INF2: variants seen among roughly 807,000 people sequenced by gnomAD.
INF2 encodes the protein inverted formin 2.
A neutral mutation model predicts 123.5 loss-of-function variants in INF2; 43 were observed. That is an observed-to-expected ratio of 0.35 (90% CI 0.27 to 0.45). The LOEUF (loss-of-function observed/expected upper bound fraction) is 0.45. INF2 is among the 20% of genes least tolerant of loss of function. INF2 has a pLI of 1.00. For missense variants in INF2, 1,453 were observed against 1,682.7 expected (o/e 0.86, Z 2.39); for synonymous variants, 851 against 745.0 (o/e 1.14, Z -2.32).
At chr14:104,695,354 A>T (rs1022042426) in intron 1 of INF2, among the ~76,000 whole-genome samples, 1 of 151,816 alleles carries the variant, frequency 6.6e-6, no homozygotes, top group African/African-American at 2.4e-5. Flanking sequence ...TCCAGCCCAG[A>T]CCCCTGAGAA....
intron 1 of INF2, among the ~76,000 whole-genome samples, chr14:104,698,751 C>T (rs966090511): frequency 6.6e-6 from 1 of 151,656 alleles, no homozygotes. Context: ...TGGGTGAGAT[C>T]GGGCAGCCTT....
chr14:104,688,061 T>G (rs930916407), upstream of INF2, among the ~76,000 whole-genome samples: 1 of 152,240 alleles, frequency 6.6e-6, no homozygotes, highest in Non-Finnish European at 1.5e-5. Context: ...CAGGAAGGCC[T>G]TCTGCTCTGG....
At chr14:104,689,590 T>TACC, upstream of INF2, 132 of 646,916 alleles carry the variant, frequency 2.0e-4, no homozygotes, top group Non-Finnish European at 2.2e-4. Flanking sequence ...CTCCTCTTCC[T>TACC]CCCGCCCGCC....
chr14:104,711,201 CG>C lies in INF2; in HGVS notation c.2418+20del. 2 of 1,545,304 alleles carry C rather than the reference CG, an allele frequency of 1.3e-6. No individual in the cohort carries two copies. Among genetic ancestry groups the C allele is most frequent in the Non-Finnish European group, 8.7e-7 (1 of 1,142,930 alleles). On this transcript the variant is annotated intron_variant, in intron 15 of 22. Coordinates refer to ENST00000392634, the MANE Select transcript of INF2 (RefSeq NM_022489.4). The stretch of plus-strand genomic sequence containing the variant: ...ACGTGCTGGAGGTGGGCCGTGGTGG[CG>C]GGGGCATAATGGGAGGGCTTCAAGT...
Position 104,711,150 on chromosome 14 carries a change from G to A in INF2, c.2382G>A (p.Gln794=). ...TGAAGCTCACGGAGACCAAGTCCCA[G>A]CAGAACCGCGTGACGCTGCTGCACC... ...TLLKLTETKS[Q]QNRVTLLHHV... Residue 794 remains glutamine, a synonymous_variant, in exon 15 of 23, where the codon CAG becomes CAA. Coordinates refer to ENST00000392634, the MANE Select transcript of INF2 (RefSeq NM_022489.4). 1 of 1,571,712 alleles carries A rather than the reference G, an allele frequency of 6.4e-7. No homozygotes were observed.
Position 104,714,292 on chromosome 14 carries a change from T to A in INF2, c.3130T>A (p.Ser1044Thr). 6.3e-7 allele frequency: 1 copy of A among 1,592,550 alleles called. No individual in the cohort carries two copies. The highest frequency in any genetic ancestry group is 8.5e-7 in the Non-Finnish European group (1 of 1,170,938). ...CCTTGATGCTACAACAGCCAGCGAG[T>A]CCCGGGGCTGGGACCTTGTAGACGC... The part of the protein sequence containing the change: ...PGLDATTASE[S>T]RGWDLVDAVT... The change falls in exon 21 of 23, where the codon TCC becomes ACC. Residue 1044 changes from serine (S) to threonine (T), a missense_variant. By Grantham distance (58) the Ser-to-Thr change is moderately conservative (BLOSUM62 1). This residue lies in a region of INF2 where 344 missense variants were observed against 333.1 expected (regional missense o/e 1.03). Coordinates refer to ENST00000392634, the MANE Select transcript of INF2 (RefSeq NM_022489.4).
chr14:104,711,432 C>T (rs1890043049), intron 15 of INF2, among the ~76,000 whole-genome samples, 197 bp from the exon 16 acceptor site: 1 of 152,206 alleles, frequency 6.6e-6, no homozygotes, highest in Non-Finnish European at 1.5e-5. Context: ...TGTCCCTGAT[C>T]TGGGGGACAG....
At chr14:104,716,792 G>C (rs1010039761) in intron 22 of INF2, among the ~76,000 whole-genome samples, 5 of 152,238 alleles carry the variant, frequency 3.3e-5, no homozygotes, top group South Asian at 4.1e-4. Context: ...CCAGGTTCAA[G>C]TGATTCTCCT....
intron 13 of INF2, 65 bp from the exon 14 acceptor site, chr14:104,710,872 C>T: frequency 2.8e-6 from 4 of 1,443,988 alleles, no homozygotes; most frequent in Middle Eastern, 1.8e-4. Context: ...GGACCACACC[C>T]CACCGCCAGG....
At chr14:104,682,785 G>A (rs531850125) in intron 1 of INF2, among the ~76,000 whole-genome samples, 38 of 152,232 alleles carry the variant, frequency 2.5e-4, no homozygotes, top group African/African-American at 7.0e-4. Context: ...GGCCACCCCA[G>A]CAGTGGCCAC....
intron 16 of INF2, 72 bp downstream of exon 16, chr14:104,711,771 G>A: frequency 7.0e-7 from 1 of 1,435,218 alleles, no homozygotes; most frequent in Non-Finnish European, 9.7e-7. Flanking sequence ...GCAGTGAGGT[G>A]GCTGCCCGCC....
Position 104,701,014 on chromosome 14 carries a change from A to G in INF2, c.-9-343A>G, listed in dbSNP as rs556491241. 15 of 343,994 alleles carry G rather than the reference A, an allele frequency of 4.4e-5. No individual in the cohort carries two copies. In the South Asian group the frequency reaches 1.4e-3, roughly 32 times the overall value. 21.3% of individuals were successfully genotyped at this position (343,994 alleles called of 1,614,324 possible). ...CCTCCCGCTCCCCCGAGTCCTCCCC[A>G]AGCTCATCCGGTCCCGTCACTCTGC... On this transcript the variant is annotated intron_variant, in intron 1 of 22. Coordinates refer to ENST00000392634, the MANE Select transcript of INF2 (RefSeq NM_022489.4).
chr14:104,708,399 C>T (rs780127636), intron 8 of INF2, 37 bp from the exon 9 acceptor site: 1 of 1,605,274 alleles, frequency 6.2e-7, no homozygotes, highest in Admixed American at 1.7e-5. Context: ...GGCCCCGGGG[C>T]TGCGAGAGCC....
chr14:104,710,001 C>T, intron 12 of INF2, 87 bp from the exon 13 acceptor site: 1 of 1,203,330 alleles, frequency 8.3e-7, no homozygotes, highest in Non-Finnish European at 1.2e-6. Context: ...TTGCCCACCA[C>T]CCAAGCCAGA....
Position 104,711,698 on chromosome 14 carries a change from G to C in INF2, c.2488G>C (p.Gly830Arg). 1 of 1,612,224 alleles carries C rather than the reference G, an allele frequency of 6.2e-7. No individual in the cohort carries two copies. The highest frequency in any genetic ancestry group is 8.5e-7 in the Non-Finnish European group (1 of 1,179,596). ...RDLEQPSQAAGINLEIIRSEA... is the reference protein window; with the variant it reads ...RDLEQPSQAARINLEIIRSEA... Reference sequence around the variant, plus strand: ...CCTGGAACAGCCCTCGCAAGCAGCAGGGTAGGTAGCTCCTGCCAGCCCGCC... The same window carrying C: ...CCTGGAACAGCCCTCGCAAGCAGCACGGTAGGTAGCTCCTGCCAGCCCGCC... Residue 830 changes from glycine to arginine, a missense_variant and splice_region_variant, in exon 16 of 23, where the codon GGG (glycine) becomes CGG (arginine). By Grantham distance (125) the Gly-to-Arg change is moderately radical. Coordinates refer to ENST00000392634, the MANE Select transcript of INF2 (RefSeq NM_022489.4).
intron 2 of INF2, among the ~76,000 whole-genome samples, chr14:104,702,201 G>C (rs557411153): frequency 6.6e-6 from 1 of 152,194 alleles, no homozygotes; most frequent in East Asian, 1.9e-4. Context: ...TTGAGGTCTG[G>C]CCCACACCTA....
intron 6 of INF2, 29 bp downstream of exon 6, chr14:104,706,205 AGCC>A: frequency 6.5e-7 from 1 of 1,543,046 alleles, no homozygotes; most frequent in Non-Finnish European, 8.8e-7. Flanking sequence ...GGCGGAGGGC[AGCC>A]CTCCAGGGCA....
Position 104,709,544 on chromosome 14 carries a change from G to A in INF2, c.2053-76G>A, listed in dbSNP as rs1889944330. 9 of 1,419,958 alleles carry A rather than the reference G, an allele frequency of 6.3e-6. No homozygotes were observed. The South Asian group carries it at 9.2e-5, about 14-fold the overall frequency. The allele number at this position is 1,419,958 out of a possible 1,614,324, so 88.0% of individuals were successfully genotyped here. A position where few individuals can be genotyped will look rare whatever the true frequency, so the allele number is the denominator to read the frequency against. ...GGGAGCCATGATGGGCACTGGAGGG[G>A]CTGAGCCCGGCGGGCAGTCCGGGAG... On this transcript the variant is annotated intron_variant, in intron 11 of 22. Transcript: ENST00000392634.
Position 104,714,693 on chromosome 14 carries a change from G to C in INF2, c.3531G>C (p.Glu1177Asp), listed in dbSNP as rs754883452. The C allele has an allele frequency of 3.0e-5, 48 of 1,611,038 alleles. No homozygotes were observed. In the South Asian group the frequency reaches 5.2e-4, roughly 17 times the overall value. ...GPGGDEDEDE[E>D]DTAPESALDT... Reference sequence around the variant, plus strand: ...GTGGGGATGAGGACGAGGACGAGGAGGACACGGCCCCAGAGTCCGCACTGG... The same window carrying C: ...GTGGGGATGAGGACGAGGACGAGGACGACACGGCCCCAGAGTCCGCACTGG... Residue 1177 changes from glutamate to aspartate, a missense_variant, in exon 21 of 23, where the codon GAG (glutamate) becomes GAC (aspartate). Transcript: ENST00000392634.
Sources: allele counts gnomAD v4.1 joint callset (sites outside exome capture counted in the v4.1 genomes callset), GRCh38; gene constraint gnomAD v4.1.1; regional missense constraint gnomAD v4.1.1; transcripts MANE v1.5; gene names NCBI Gene and HGNC (gene_info 2026-07-23, HGNC 2026-07-21).